The following ZPBP variants were observed in gnomAD, a reference collection of about 807,000 sequenced individuals.
ZPBP encodes the protein zona pellucida binding protein, also known as zona pellucida-binding protein 1.
A neutral mutation model predicts 44.8 loss-of-function variants in ZPBP; 26 were observed. The observed-to-expected ratio is 0.58, with a 90% CI of 0.43 to 0.81. ZPBP has a LOEUF of 0.81. Ranked by LOEUF, ZPBP falls within the 30% of genes least tolerant of loss-of-function variation. ZPBP has a pLI of 0.00. For missense variants in ZPBP, 409 were observed against 434.0 expected (o/e 0.94, Z 0.51); for synonymous variants, 174 against 153.2 (o/e 1.14, Z -1.00).
At chr7:49,975,106 C>T (rs1796449443) in intron 7 of ZPBP, among the ~76,000 whole-genome samples, 1 of 152,176 alleles carries the variant, frequency 6.6e-6, no homozygotes, top group African/African-American at 2.4e-5. Flanking sequence ...AGACAAATAG[C>T]TTCCTGCTAC....
chr7:49,996,612 C>A (rs930148260), intron 6 of ZPBP, among the ~76,000 whole-genome samples: 1 of 152,172 alleles, frequency 6.6e-6, no homozygotes, highest in Non-Finnish European at 1.5e-5. Flanking sequence ...CAAGGGGATC[C>A]AGTCACCAAT....
At chr7:49,964,741 A>G (rs1795994092) in intron 7 of ZPBP, among the ~76,000 whole-genome samples, 1 of 152,124 alleles carries the variant, frequency 6.6e-6, no homozygotes, top group Non-Finnish European at 1.5e-5. Context: ...AAAGATGGCA[A>G]ATACTATATG....
intron 5 of ZPBP, among the ~76,000 whole-genome samples, chr7:50,029,842 T>C (rs1799515596): frequency 1.7e-5 from 2 of 115,558 alleles, no homozygotes; most frequent in South Asian, 5.4e-4. Context: ...GTTGTTGTTG[T>C]TGCTGTTGTT....
At chr7:49,975,325 C>T (rs996137864) in intron 7 of ZPBP, among the ~76,000 whole-genome samples, 2 of 152,114 alleles carry the variant, frequency 1.3e-5, no homozygotes, top group Middle Eastern at 3.2e-3. Context: ...TGCCCAGGTC[C>T]GGGAGCAAGT....
At chr7:49,984,071 A>C (rs1387319535) in intron 6 of ZPBP, among the ~76,000 whole-genome samples, 2 of 152,152 alleles carry the variant, frequency 1.3e-5, no homozygotes, top group Admixed American at 6.5e-5. Flanking sequence ...AGAGCCTTAG[A>C]CTTCTCTGAC....
chr7:50,077,631 G>T (rs200720861), intron 3 of ZPBP, among the ~76,000 whole-genome samples: 1 of 151,742 alleles, frequency 6.6e-6, no homozygotes, highest in East Asian at 1.9e-4. Context: ...TGGCAAACAG[G>T]CCTATGAAAT....
intron 2 of ZPBP, among the ~76,000 whole-genome samples, chr7:49,871,959 C>CACACACA (rs1791176497): frequency 2.9e-5 from 1 of 34,644 alleles, no homozygotes; most frequent in African/African-American, 1.1e-4. Context: ...ACACACACAC[C>CACACACA]GAGAAAGAGA....
intron 2 of ZPBP, among the ~76,000 whole-genome samples, chr7:49,884,214 T>C (rs544853): frequency 0.8 from 122,417 of 152,244 alleles, 49,418 homozygotes; most frequent in East Asian, 0.91. Flanking sequence ...TGAGGAGCCA[T>C]TGCCCATGTC....
At chr7:49,876,566 A>G (rs926096578) in intron 2 of ZPBP, among the ~76,000 whole-genome samples, 1 of 152,204 alleles carries the variant, frequency 6.6e-6, no homozygotes, top group African/African-American at 2.4e-5. Flanking sequence ...TAGTACTTCA[A>G]TTAAATACCT....
At chr7:49,983,557 A>G in intron 6 of ZPBP, 38 bp from the exon 7 acceptor site, 1 of 1,338,588 alleles carries the variant, frequency 7.5e-7, no homozygotes, top group Non-Finnish European at 1.0e-6. Context: ...TGTTAGCCAT[A>G]AAAAATGTAA....
intron 5 of ZPBP, among the ~76,000 whole-genome samples, chr7:50,026,656 T>C (rs1395403994): frequency 2.0e-5 from 3 of 151,880 alleles, no homozygotes; most frequent in Non-Finnish European, 4.4e-5. Context: ...AAATTAGCTA[T>C]GAGCTAAAGG....
At chr7:50,005,899 T>C (rs1291410762) in intron 6 of ZPBP, among the ~76,000 whole-genome samples, 1 of 151,258 alleles carries the variant, frequency 6.6e-6, no homozygotes, top group Admixed American at 6.6e-5. Context: ...GTTCTAACGA[T>C]ATGCTTTCTA....
chr7:50,086,418 A>T (rs983456163), intron 2 of ZPBP, among the ~76,000 whole-genome samples: 4 of 152,088 alleles, frequency 2.6e-5, no homozygotes, highest in Non-Finnish European at 5.9e-5. Context: ...CTTACTGGAT[A>T]AATATTTTAA....
At chr7:50,017,515 CTA>C (rs1398726038) in intron 6 of ZPBP, among the ~76,000 whole-genome samples, 10 of 152,120 alleles carry the variant, frequency 6.6e-5, no homozygotes, top group Non-Finnish European at 1.5e-4. Flanking sequence ...CTGACTTAAA[CTA>C]TATTTCAGGA....
At chr7:49,939,223 A>G (rs1344348480) in intron 7 of ZPBP, among the ~76,000 whole-genome samples, 2 of 152,210 alleles carry the variant, frequency 1.3e-5, no homozygotes, top group Non-Finnish European at 2.9e-5. Context: ...TTAAATCATT[A>G]CACATGCAGA....
chr7:49,985,059 G>C (rs1797198522), intron 6 of ZPBP, among the ~76,000 whole-genome samples: 1 of 152,296 alleles, frequency 6.6e-6, no homozygotes, highest in East Asian at 1.9e-4. Context: ...CCCCCTGGGA[G>C]TAAGTGTGGA....
At chr7:50,000,358 G>T (rs1213030217) in intron 6 of ZPBP, among the ~76,000 whole-genome samples, 1 of 152,062 alleles carries the variant, frequency 6.6e-6, no homozygotes, top group East Asian at 1.9e-4. Flanking sequence ...TAAATACTCT[G>T]AAAGAAAAGA....
At chr7:49,857,531 G>T (rs775084014) in intron 2 of ZPBP, among the ~76,000 whole-genome samples, 1 of 152,118 alleles carries the variant, frequency 6.6e-6, no homozygotes, top group African/African-American at 2.4e-5. Context: ...ACAGATGGCC[G>T]ACAGGTAGAA....
At chr7:50,079,825 A>C (rs542145383) in intron 3 of ZPBP, among the ~76,000 whole-genome samples, 1 of 151,824 alleles carries the variant, frequency 6.6e-6, no homozygotes, top group Admixed American at 6.6e-5. Context: ...TATTTAGAAA[A>C]GCAGGAAAAG....
Sources: gnomAD v4.1 joint callset for allele counts (sites outside exome capture counted in the v4.1 genomes callset) on GRCh38, gnomAD v4.1.1 for gene constraint, MANE v1.5 for transcripts, NCBI Gene and HGNC (gene_info 2026-07-23, HGNC 2026-07-21) for gene names.